VIPAS39: variants seen among roughly 807,000 people sequenced by gnomAD.
VIPAS39 encodes VPS33B interacting protein, apical-basolateral polarity regulator, spe-39 homolog, also known as spermatogenesis-defective protein 39 homolog.
In VIPAS39, 63 loss-of-function variants were observed where a neutral mutation model predicts 84.7. That is an observed-to-expected ratio of 0.74 (90% confidence interval 0.61 to 0.92). VIPAS39 has a LOEUF of 0.92. Among genes scored for constraint, VIPAS39 ranks in the 40% least tolerant of loss-of-function variants. The pLI is 0.00. For synonymous variants in VIPAS39, 192 were observed against 216.5 expected, an observed-to-expected ratio of 0.89 and a Z score of 0.99; for missense variants, 499 against 604.5, an observed-to-expected ratio of 0.83 and a Z score of 1.83.
Position 77,444,291 on chromosome 14 carries a change from T to C in VIPAS39, c.555A>G (p.Leu185=), listed in dbSNP as rs1242764984. 2 of 1,613,916 alleles carry C rather than the reference T, an allele frequency of 1.2e-6. No individual in the cohort carries two copies. Among genetic ancestry groups the C allele is most frequent in the Non-Finnish European group, 1.7e-6 (2 of 1,179,824 alleles). ...CATCATGCATGCTTACTGCCTCTTC[T>C]AGGAGTTGTAGTTTGTCCTGTAAGG... The part of the protein sequence containing the change: ...FRSLQDKLQL[L]EEAVSMHDGN... Residue 185 remains leucine, a synonymous_variant, in exon 8 of 20, where the codon CTA becomes CTG. Coordinates refer to ENST00000557658, the MANE Select transcript of VIPAS39 (RefSeq NM_001193315.2).
chr14:77,441,944 C>T (rs557702490), intron 10 of VIPAS39, among the ~76,000 whole-genome samples: 4 of 152,162 alleles, frequency 2.6e-5, no homozygotes, highest in Admixed American at 6.5e-5. Context: ...GCCCTCTTTA[C>T]CCCCAGCAGA....
chr14:77,435,517 AAAAG>A (rs1463244104), intron 13 of VIPAS39, 124 bp from the exon 14 acceptor site: 1 of 1,346,912 alleles, frequency 7.4e-7, no homozygotes, highest in Admixed American at 2.5e-5. Flanking sequence ...AAAGAACAGA[AAAAG>A]AAAGAAATTG....
At position 77,435,409 on chromosome 14, in the gene VIPAS39, C is replaced by T. The variant is rs775757748; in HGVS notation, c.913-16G>A. 8.3e-7 allele frequency: 1 copy of T among 1,208,770 alleles called. No individual in the cohort carries two copies. Among genetic ancestry groups the T allele is most frequent in the Non-Finnish European group, 1.1e-6 (1 of 892,754 alleles). The allele number at this position is 1,208,770 out of a possible 1,614,324, so 74.9% of individuals were successfully genotyped here. A position where few individuals can be genotyped will look rare whatever the true frequency, so the allele number is the denominator to read the frequency against. The stretch of plus-strand genomic sequence containing the variant: ...GATCATTTGCCTGTGGTGGAGTGAG[C>T]CAAGTGAAAAAAAAAAAAAACAATG... On this transcript the variant is annotated splice_polypyrimidine_tract_variant and intron_variant, in intron 13 of 19. Transcript: ENST00000557658.
In VIPAS39 at chr14:77,435,997, T is replaced by C; in HGVS notation, c.837-78A>G. ...ACCCAACTAAACCAAATCGCCAGCA[T>C]AAGTATAAGAGGCTCACGGTGCCTC... On this transcript the variant is annotated intron_variant, in intron 12 of 19. Coordinates refer to ENST00000557658, the MANE Select transcript of VIPAS39 (RefSeq NM_001193315.2). The C allele has an allele frequency of 2.0e-6, 3 of 1,467,162 alleles. No homozygotes were observed. In the South Asian group the frequency reaches 3.4e-5, roughly 17 times the overall value. 90.9% of individuals were successfully genotyped at this position (1,467,162 alleles called of 1,614,324 possible).
intron 1 of VIPAS39, among the ~76,000 whole-genome samples, chr14:77,454,873 A>C (rs2078938067): frequency 6.6e-6 from 1 of 152,164 alleles, no homozygotes; most frequent in South Asian, 2.1e-4. Context: ...TTTTCAACAA[A>C]TACTTATTGA....
intron 7 of VIPAS39, among the ~76,000 whole-genome samples, chr14:77,445,498 G>T (rs556897393): frequency 6.6e-6 from 1 of 152,042 alleles, no homozygotes; most frequent in Non-Finnish European, 1.5e-5. Context: ...TCATGGCTCA[G>T]TGCAGCCTCG....
chr14:77,430,420 G>A (rs2078502765), intron 16 of VIPAS39, among the ~76,000 whole-genome samples: 1 of 151,984 alleles, frequency 6.6e-6, no homozygotes, highest in African/African-American at 2.4e-5. Context: ...CAATGTTAAA[G>A]AAAAACAAAA....
At position 77,434,307 on chromosome 14, in the gene VIPAS39, G is replaced by A. The variant is rs367593503; in HGVS notation, c.1048-4C>T. 4 of 1,613,992 alleles carry A rather than the reference G, an allele frequency of 2.5e-6. No individual in the cohort carries two copies. Among genetic ancestry groups the A allele is most frequent in the Non-Finnish European group, 2.5e-6 (3 of 1,179,954 alleles). ...TGACGGGACTGCTGAATGTCCCCTAGGATGAAAGTGAAAAAGGAACTTTAG... is the reference window on the plus strand; with the variant it reads ...TGACGGGACTGCTGAATGTCCCCTAAGATGAAAGTGAAAAAGGAACTTTAG... On this transcript the variant is annotated splice_polypyrimidine_tract_variant and splice_region_variant and intron_variant, in intron 14 of 19. Coordinates refer to ENST00000557658, the MANE Select transcript of VIPAS39 (RefSeq NM_001193315.2).
chr14:77,451,811 T>C (rs2078886245), intron 3 of VIPAS39, among the ~76,000 whole-genome samples: 1 of 152,120 alleles, frequency 6.6e-6, no homozygotes, highest in South Asian at 2.1e-4. Flanking sequence ...CCCTATAAGA[T>C]GGGGAAAGAT....
intron 1 of VIPAS39, chr14:77,457,215 G>A: frequency 1.3e-6 from 2 of 1,518,562 alleles, no homozygotes; most frequent in Non-Finnish European, 1.8e-6. Flanking sequence ...CGTCCAGGAA[G>A]CCATGGATCT....
chr14:77,451,842 T>C (rs2078886829), intron 3 of VIPAS39, among the ~76,000 whole-genome samples: 1 of 152,182 alleles, frequency 6.6e-6, no homozygotes, highest in East Asian at 1.9e-4. Flanking sequence ...GATAATACCG[T>C]GTTAGCCAGG....
At chr14:77,448,042 C>G (rs1189526404) in intron 7 of VIPAS39, among the ~76,000 whole-genome samples, 1 of 150,704 alleles carries the variant, frequency 6.6e-6, no homozygotes, top group East Asian at 1.9e-4. Flanking sequence ...GCAACCTCCA[C>G]CTCCTGGGTT....
intron 10 of VIPAS39, 148 bp from the exon 11 acceptor site, chr14:77,441,241 G>T: frequency 1.2e-6 from 1 of 836,708 alleles, no homozygotes; most frequent in Non-Finnish European, 1.9e-6. Context: ...AGATATCATT[G>T]TTCCCCTGGT....
At chr14:77,429,456 C>CAGCTT in intron 17 of VIPAS39, among the ~76,000 whole-genome samples, 1 of 145,016 alleles carries the variant, frequency 6.9e-6, no homozygotes, top group Admixed American at 6.7e-5. Context: ...CTTGGGCTAA[C>CAGCTT]ACAGTAGATG....
chr14:77,428,947 C>A, intron 18 of VIPAS39, 59 bp downstream of exon 18: 2 of 1,461,600 alleles, frequency 1.4e-6, no homozygotes, highest in South Asian at 1.1e-5. Context: ...ATATTATAAT[C>A]CCCACCCTGC....
chr14:77,455,119 A>G (rs1356304577), intron 1 of VIPAS39, among the ~76,000 whole-genome samples: 2 of 152,222 alleles, frequency 1.3e-5, no homozygotes, highest in African/African-American at 4.8e-5. Context: ...AAGTAGTCAA[A>G]AGACCACAAG....
rs761604651 is a variant in VIPAS39 at position 77,454,096 on chromosome 14, G to A, written c.7C>T (p.Arg3Trp). ...TACTCCTCCTCATCACCCTTTGTCC[G>A]ATTCATCTACAGTGACAGGAAAACA... MN[R>W]TKGDEEEYWN... Residue 3 changes from arginine (R) to tryptophan (W), a missense_variant, in exon 2 of 20, where the codon CGG becomes TGG. Transcript: ENST00000557658. 5.6e-6 allele frequency: 9 copies of A among 1,613,908 alleles called. No homozygotes were observed. The highest frequency in any genetic ancestry group is 5.3e-5 in the African/African-American group (4 of 74,918).
chr14:77,447,018 A>G (rs1361792193), intron 7 of VIPAS39, among the ~76,000 whole-genome samples: 1 of 149,292 alleles, frequency 6.7e-6, no homozygotes, highest in Non-Finnish European at 1.5e-5. Context: ...TATAATATAC[A>G]TTTATATTAT....
chr14:77,429,797 TAGGCC>T, intron 16 of VIPAS39, 30 bp from the exon 17 acceptor site: 1 of 1,592,160 alleles, frequency 6.3e-7, no homozygotes, highest in Non-Finnish European at 8.6e-7. Context: ...TAGCGGCAGG[TAGGCC>T]AGGCACACTC....
Sources: gnomAD v4.1 joint callset for allele counts (sites outside exome capture counted in the v4.1 genomes callset) on GRCh38, gnomAD v4.1.1 for gene constraint, MANE v1.5 for transcripts, NCBI Gene and HGNC (gene_info 2026-07-23, HGNC 2026-07-21) for gene names.